MUC4: variants seen among roughly 807,000 people sequenced by gnomAD.
MUC4 encodes mucin 4, cell surface associated.
MUC4 carries 202 observed loss-of-function variants against 257.9 expected under a neutral mutation model. That is an observed-to-expected ratio of 0.78 (90% CI 0.70 to 0.88). The LOEUF is 0.88. Ranked by LOEUF, MUC4 falls within the 40% of genes least tolerant of loss-of-function variation. The pLI is 0.00. For missense variants in MUC4, 5,976 were observed against 6,513.7 expected, an observed-to-expected ratio of 0.92 and a Z score of 2.84; for synonymous variants, 2,351 against 2,757.1, an observed-to-expected ratio of 0.85 and a Z score of 4.62.
chr3:195,762,006 G>A, intron 14 of MUC4, 81 bp downstream of exon 14: 1 of 1,448,012 alleles, frequency 6.9e-7, no homozygotes, highest in Admixed American at 2.1e-5. Context: ...GGCCGAGCAG[G>A]GCTGCCCGGG....
At chr3:195,770,557 G>A in intron 5 of MUC4, 186 bp from the exon 6 acceptor site, 1 of 652,206 alleles carries the variant, frequency 1.5e-6, no homozygotes, top group African/African-American at 1.8e-5. Flanking sequence ...TGGGCTGCAG[G>A]AAGGCCTGCA....
chr3:195,759,660 CTG>C (rs547126836), intron 16 of MUC4, among the ~76,000 whole-genome samples: 84 of 152,306 alleles, frequency 5.5e-4, no homozygotes, highest in African/African-American at 2.0e-3. Context: ...TGTCTCATGT[CTG>C]TAATCCCAGC....
rs1719140274 is a variant in MUC4, at chr3:195,762,240, T to G, written c.14359A>C (p.Asn4787His). 6.3e-7 allele frequency: 1 copy of G among 1,585,438 alleles called. No individual in the cohort carries two copies. The highest frequency in any genetic ancestry group is 1.2e-5 in the South Asian group (1 of 86,886). The change falls in exon 14 of 25, where the codon AAC (asparagine) becomes CAC (histidine). Residue 4787 changes from asparagine to histidine, a missense_variant. Physicochemically the swap from Asn to His is moderately conservative, Grantham distance 68 (BLOSUM62 1). Around this residue, in one of 44 missense-constraint regions of MUC4, gnomAD observed 996 missense variants for 1,137.3 expected, o/e 0.88. Coordinates refer to ENST00000463781, the MANE Select transcript of MUC4 (RefSeq NM_018406.7). Reference protein sequence around the residue: ...HEDGGGQETFNATGVLLSRNG... With the variant: ...HEDGGGQETFHATGVLLSRNG... The stretch of plus-strand genomic sequence containing the variant: ...CGGCTCAGGAGGACTCCGGTGGCGT[T>G]GAACGTCTCCTGGCCTGGAGCATCG...
At chr3:195,776,486 G>A (rs369489180) in intron 3 of MUC4, among the ~76,000 whole-genome samples, 22 of 7,026 alleles carry the variant, frequency 3.1e-3, no homozygotes, top group Non-Finnish European at 3.8e-3. Flanking sequence ...CATACCTTCC[G>A]CATCCATACC....
intron 20 of MUC4, 32 bp from the exon 21 acceptor site, chr3:195,752,478 C>A (rs1471866906): frequency 4.4e-6 from 7 of 1,593,018 alleles, no homozygotes; most frequent in Non-Finnish European, 6.0e-6. Context: ...GTATCATCAC[C>A]CCACGGTTTA....
chr3:195,797,120 T>C (rs1734672287), intron 1 of MUC4, among the ~76,000 whole-genome samples: 1 of 151,814 alleles, frequency 6.6e-6, no homozygotes, highest in South Asian at 2.1e-4. Context: ...ATTACAGGTG[T>C]GTGCTGGGCT....
chr3:195,788,929 C>A lies in MUC4; in HGVS notation c.2651G>T (p.Arg884Ile). 3.7e-6 allele frequency: 6 copies of A among 1,613,558 alleles called. No homozygotes were observed. The highest frequency in any genetic ancestry group is 5.1e-6 in the Non-Finnish European group (6 of 1,179,716). The change falls in exon 2 of 25, where the codon AGA becomes ATA. Residue 884 changes from arginine (R) to isoleucine (I), a missense_variant. Physicochemically the swap from Arg to Ile is moderately conservative, Grantham distance 97. Coordinates refer to ENST00000463781, the MANE Select transcript of MUC4 (RefSeq NM_018406.7). ...AGTTGGGCTTGACTGTCCTGTCGGT[C>A]TCCCTGCAGTGGAGGCCTCAGAGAG... The part of the protein sequence containing the change: ...PTLSEASTAG[R>I]PTGQSSPTSP...
At position 195,747,254 on chromosome 3, in the gene MUC4, C is replaced by A; in HGVS notation, c.16161G>T (p.Thr5387=). 2 of 1,614,254 alleles carry A rather than the reference C, an allele frequency of 1.2e-6. No individual in the cohort carries two copies. Among genetic ancestry groups the A allele is most frequent in the Non-Finnish European group, 1.7e-6 (2 of 1,180,036 alleles). ...AACCCCAGAAGCGCAGGACCACGAA[C>A]GTCCCGACCCCCAGCAGCAAGAGGC... The part of the protein sequence containing the change: ...LGGLLLLGVG[T]FVVLRFWGCS... Residue 5387 remains threonine (T), a synonymous_variant, in exon 25 of 25, where the codon ACG becomes ACT. Coordinates refer to ENST00000463781, the MANE Select transcript of MUC4 (RefSeq NM_018406.7).
Position 195,783,077 on chromosome 3 carries a change from C to G in MUC4, c.8503G>C (p.Val2835Leu), listed in dbSNP as rs1420565105. Residue 2835 changes from valine to leucine, a missense_variant, in exon 2 of 25, where the codon GTC becomes CTC. Physicochemically the swap from Val to Leu is conservative, Grantham distance 32. Around this residue, in one of 44 missense-constraint regions of MUC4, gnomAD observed 228 missense variants for 206.3 expected, o/e 1.11. Transcript: ENST00000463781. Reference sequence around the variant, plus strand: ...GAGGATGCTGAGGAAGGGATGGTGACAGGAAGAGAGGTGGCATGACCTGTG... The same window carrying G: ...GAGGATGCTGAGGAAGGGATGGTGAGAGGAAGAGAGGTGGCATGACCTGTG... ...VFTGHATSLPVTIPSSASSGH... is the reference protein window; with the variant it reads ...VFTGHATSLPLTIPSSASSGH... The G allele has an allele frequency of 5.4e-6, 4 of 744,594 alleles. No individual in the cohort carries two copies. The highest frequency in any genetic ancestry group is 7.6e-6 in the Non-Finnish European group (4 of 529,362). 46.1% of individuals were successfully genotyped at this position (744,594 alleles called of 1,614,324 possible). A position where few individuals can be genotyped will look rare whatever the true frequency, so the allele number is the denominator to read the frequency against.
Position 195,763,346 on chromosome 3 carries a change from C to A in MUC4, c.14253+87G>T, listed in dbSNP as rs1159537788. The A allele has an allele frequency of 4.6e-6, 6 of 1,295,906 alleles. No homozygotes were observed. In the African/African-American group the frequency reaches 7.7e-5, roughly 17 times the overall value. 80.3% of individuals were successfully genotyped at this position (1,295,906 alleles called of 1,614,324 possible). ...CCCTCCTGCCCGGCTTCCCCTCCTT[C>A]GCTCTCTTCCTTCTCCTCGGCCTCA... is the stretch of plus-strand genomic sequence containing the variant. On this transcript the variant is annotated intron_variant, in intron 12 of 24. Transcript: ENST00000463781.
chr3:195,763,965 T>C, intron 11 of MUC4, 80 bp downstream of exon 11: 4 of 1,237,638 alleles, frequency 3.2e-6, no homozygotes, highest in Non-Finnish European at 4.5e-6. Context: ...CCCCTACTCC[T>C]TATCCAGATG....
chr3:195,788,543 T>A lies in MUC4; in HGVS notation c.3037A>T (p.Ser1013Cys), dbSNP rs200193644. Residue 1013 changes from serine to cysteine, a missense_variant, in exon 2 of 25, where the codon AGC becomes TGC. This residue lies in a region of MUC4 where 1,583 missense variants were observed against 1,257.4 expected (regional missense o/e 1.26). Transcript: ENST00000463781. The stretch of plus-strand genomic sequence containing the variant: ...TGACCTGTGGATACTGAGGAAGGGC[T>A]GGTGACAGGAAGAGGGGTGGCGTGA... Reference protein sequence around the residue: ...TGHATPLPVTSPSSVSTGHTT... With the variant: ...TGHATPLPVTCPSSVSTGHTT... 758 of 974,432 alleles carry A rather than the reference T, an allele frequency of 7.8e-4. No individual in the cohort carries two copies. The African/African-American group carries it at 0.013, about 16-fold the overall frequency. 60.4% of individuals were successfully genotyped at this position (974,432 alleles called of 1,614,324 possible).
intron 7 of MUC4, among the ~76,000 whole-genome samples, chr3:195,767,698 AAAAATACCACCATCGGC>A (rs1560263698): frequency 0.95 from 37,884 of 39,820 alleles, 18,202 homozygotes; most frequent in East Asian, 0.97. Context: ...CCACCCCCCA[AAAAATACCACCATCGGC>A]CACCACCACC....
chr3:195,770,473 A>C, intron 5 of MUC4, 102 bp from the exon 6 acceptor site: 1 of 1,331,770 alleles, frequency 7.5e-7, no homozygotes, highest in Non-Finnish European at 1.1e-6. Flanking sequence ...CAGCCCACCC[A>C]ATGGCCTGCC....
rs1429516108 is a variant in MUC4, at chr3:195,781,239, G to C, written c.10341C>G (p.Ser3447=). Residue 3447 remains serine (S), a synonymous_variant, in exon 2 of 25, where the codon TCC becomes TCG. Transcript: ENST00000463781. The part of the protein sequence containing the change: ...HATPVPVTST[S]SASTGHTTPL... Reference sequence around the variant, plus strand: ...GGGTGGTGTGACCTGTAGATGCTGAGGAAGTGCTGGTGACAGGAACAGGGG... The same window carrying C: ...GGGTGGTGTGACCTGTAGATGCTGACGAAGTGCTGGTGACAGGAACAGGGG... 7 of 1,486,770 alleles carry C rather than the reference G, an allele frequency of 4.7e-6. No homozygotes were observed. The highest frequency in any genetic ancestry group is 6.3e-6 in the Non-Finnish European group (7 of 1,110,822). 92.1% of individuals were successfully genotyped at this position (1,486,770 alleles called of 1,614,324 possible). A position where few individuals can be genotyped will look rare whatever the true frequency, so the allele number is the denominator to read the frequency against.
Position 195,789,890 on chromosome 3 carries a change from G to C in MUC4, c.1690C>G (p.Gln564Glu). The change falls in exon 2 of 25, where the codon CAG becomes GAG. Residue 564 changes from glutamine to glutamate, a missense_variant. Gln to Glu is a conservative substitution (Grantham distance 29, BLOSUM62 2). Around this residue, in one of 44 missense-constraint regions of MUC4, gnomAD observed 1,583 missense variants for 1,257.4 expected, o/e 1.26. Coordinates refer to ENST00000463781, the MANE Select transcript of MUC4 (RefSeq NM_018406.7). ...CCCGTTTCTTGTGTCCATTGTGTCT[G>C]GGCGCCTGCCCCTGTTGTTTTTGGG... ...TLPKTTGAGA[Q>E]TQWTQETGTT... 6.2e-7 allele frequency: 1 copy of C among 1,613,998 alleles called. No homozygotes were observed. Among genetic ancestry groups the C allele is most frequent in the Non-Finnish European group, 8.5e-7 (1 of 1,179,888 alleles).
chr3:195,765,553 C>A (rs1010817786), intron 8 of MUC4, 104 bp from the exon 9 acceptor site: 2 of 1,152,966 alleles, frequency 1.7e-6, no homozygotes, highest in Middle Eastern at 2.7e-4. Context: ...CCCCTCCTGC[C>A]ACTTCTCACC....
intron 1 of MUC4, among the ~76,000 whole-genome samples, chr3:195,806,533 A>G (rs1360982036): frequency 6.6e-6 from 1 of 152,210 alleles, no homozygotes; most frequent in Non-Finnish European, 1.5e-5. Context: ...TTCACTCTTC[A>G]CTGTGTGCAT....
chr3:195,767,897 ATCACCACCATCACCATCG>A (rs1721845811), intron 7 of MUC4, among the ~76,000 whole-genome samples: 1 of 130,470 alleles, frequency 7.7e-6, no homozygotes, highest in Non-Finnish European at 1.5e-5. Context: ...CACCACCACC[ATCACCACCATCACCATCG>A]CCACTGCCAC....
Sources: allele counts gnomAD v4.1 joint callset (sites outside exome capture counted in the v4.1 genomes callset), GRCh38; gene constraint gnomAD v4.1.1; regional missense constraint gnomAD v4.1.1; transcripts MANE v1.5; gene names NCBI Gene and HGNC (gene_info 2026-07-23, HGNC 2026-07-21).